The following PTPRD variants were observed in gnomAD, a reference collection of about 807,000 sequenced individuals.
The protein encoded by PTPRD is protein tyrosine phosphatase receptor type D, also known as receptor-type tyrosine-protein phosphatase delta.
PTPRD carries 34 observed loss-of-function variants against 214.5 expected under a neutral mutation model. The observed-to-expected ratio is 0.16, with a 90% CI of 0.12 to 0.21. The LOEUF (loss-of-function observed/expected upper bound fraction) is 0.21, where lower values mean the gene tolerates loss of function less well. Ranked by LOEUF, PTPRD falls within the 10% of genes least tolerant of loss-of-function variation. PTPRD has a pLI of 1.00. For missense variants in PTPRD, 2,545 were observed against 2,398.7 expected (o/e 1.06, Z -1.27); for synonymous variants, 1,128 against 845.7 (o/e 1.33, Z -5.79).
chr9:10,586,980 G>C (rs1177501638), intron 2 of PTPRD, among the ~76,000 whole-genome samples: 2 of 151,898 alleles, frequency 1.3e-5, no homozygotes, highest in Non-Finnish European at 2.9e-5. Context: ...AGGGTAGATG[G>C]TGAAGACAGG....
chr9:8,357,999 G>A (rs1046283184), intron 39 of PTPRD, among the ~76,000 whole-genome samples: 16 of 152,202 alleles, frequency 1.1e-4, no homozygotes, highest in East Asian at 1.9e-4. Context: ...ACTAAGTCCC[G>A]TATTTTTTAG....
intron 14 of PTPRD, among the ~76,000 whole-genome samples, chr9:8,621,761 T>G (rs2095834117): frequency 1.3e-5 from 2 of 151,924 alleles, no homozygotes; most frequent in Non-Finnish European, 2.9e-5. Context: ...TGGCAATACC[T>G]GGAAATTCAG....
intron 7 of PTPRD, among the ~76,000 whole-genome samples, chr9:9,645,888 G>A (rs1381075792): frequency 6.6e-6 from 1 of 152,022 alleles, no homozygotes; most frequent in Admixed American, 6.5e-5. Context: ...TTTCAAAATT[G>A]TTTTAAATTT....
intron 5 of PTPRD, among the ~76,000 whole-genome samples, chr9:9,792,983 G>C (rs1459022012): frequency 6.6e-6 from 1 of 152,020 alleles, no homozygotes; most frequent in Non-Finnish European, 1.5e-5. Context: ...ACCTCTGAGA[G>C]CATATACCAA....
At chr9:8,581,612 G>T (rs559880797) in intron 14 of PTPRD, among the ~76,000 whole-genome samples, 3 of 152,228 alleles carry the variant, frequency 2.0e-5, no homozygotes, top group Admixed American at 6.5e-5. Flanking sequence ...GCTGGGCATG[G>T]TGGCAGATGC....
intron 2 of PTPRD, among the ~76,000 whole-genome samples, chr9:10,558,737 T>G (rs1323982187): frequency 4.6e-5 from 7 of 152,164 alleles, no homozygotes; most frequent in Non-Finnish European, 1.0e-4. Flanking sequence ...AGTACAACCT[T>G]TACAAGTGTT....
At chr9:8,518,742 TG>T (rs2097834230) in intron 20 of PTPRD, among the ~76,000 whole-genome samples, 1 of 152,126 alleles carries the variant, frequency 6.6e-6, no homozygotes, top group Non-Finnish European at 1.5e-5. Flanking sequence ...CATGTGGAAA[TG>T]GGAAAAATAT....
rs1555186440 is a variant in PTPRD at position 9,833,682 on chromosome 9, G to GC, written c.-367-66832_-367-66831insG. 1.4e-3 allele frequency among the ~76,000 whole-genome samples: 122 copies of GC among 89,262 alleles called. 9 individuals are homozygous for GC. The East Asian group carries it at 0.024, about 17-fold the overall frequency. The allele number at this position is 89,262 out of a possible 152,430, so 58.6% of individuals were successfully genotyped here. A position where few individuals can be genotyped will look rare whatever the true frequency, so the allele number is the denominator to read the frequency against. On this transcript the variant is annotated intron_variant, in intron 5 of 45. Coordinates refer to ENST00000381196, the MANE Select transcript of PTPRD (RefSeq NM_002839.4). Reference sequence around the variant, plus strand: ...CCATAAGAGACAGGTACGCTCCGGAGAGGGGGGCAGTTCAGAGACCTACCC... The same window carrying GC: ...CCATAAGAGACAGGTACGCTCCGGAGCAGGGGGGCAGTTCAGAGACCTACCC...
intron 6 of PTPRD, among the ~76,000 whole-genome samples, chr9:9,737,642 T>A (rs1488534184): frequency 6.6e-6 from 1 of 152,190 alleles, no homozygotes; most frequent in Non-Finnish European, 1.5e-5. Context: ...ATTTTTAAAG[T>A]CCATTTATAC....
At chr9:9,286,651 G>C (rs1006150342) in intron 9 of PTPRD, among the ~76,000 whole-genome samples, 3 of 150,864 alleles carry the variant, frequency 2.0e-5, no homozygotes, top group Non-Finnish European at 4.4e-5. Context: ...AACCTAGTTA[G>C]TTCTTCCCTT....
At chr9:9,643,463 G>A (rs1406328484) in intron 7 of PTPRD, among the ~76,000 whole-genome samples, 2 of 152,130 alleles carry the variant, frequency 1.3e-5, no homozygotes, top group African/African-American at 4.8e-5. Flanking sequence ...TGGTGGAGAT[G>A]ATTCTAGAAT....
intron 11 of PTPRD, among the ~76,000 whole-genome samples, chr9:8,803,247 TTC>T: frequency 1.3e-5 from 2 of 152,242 alleles, no homozygotes; most frequent in South Asian, 4.2e-4. Context: ...AAAAGTCCCC[TTC>T]TCTCTCTGAT....
intron 10 of PTPRD, among the ~76,000 whole-genome samples, chr9:9,095,578 C>G (rs1376833907): frequency 6.6e-6 from 1 of 152,114 alleles, no homozygotes; most frequent in Non-Finnish European, 1.5e-5. Context: ...AATCCTCCTG[C>G]CTCAGTCACC....
intron 8 of PTPRD, among the ~76,000 whole-genome samples, chr9:9,532,325 C>A (rs1006386886): frequency 6.6e-6 from 1 of 152,092 alleles, no homozygotes; most frequent in African/African-American, 2.4e-5. Context: ...AACATAAAGT[C>A]TGGGACAAAT....
chr9:8,749,204 C>T (rs1157833318), intron 11 of PTPRD, among the ~76,000 whole-genome samples: 1 of 152,092 alleles, frequency 6.6e-6, no homozygotes, highest in African/African-American at 2.4e-5. Flanking sequence ...TGTGTTGAGA[C>T]AGAGTCTCGC....
At chr9:8,957,931 C>A (rs2099139824) in intron 11 of PTPRD, among the ~76,000 whole-genome samples, 1 of 147,822 alleles carries the variant, frequency 6.8e-6, no homozygotes, top group Non-Finnish European at 1.5e-5. Flanking sequence ...AAAAAGAAGA[C>A]CATTCTTTAC....
chr9:8,822,218 C>G (rs1311207678), intron 11 of PTPRD, among the ~76,000 whole-genome samples: 4 of 152,176 alleles, frequency 2.6e-5, no homozygotes, highest in African/African-American at 9.7e-5. Flanking sequence ...AAGTTTCCCC[C>G]AGTGATTTAG....
rs1249349029 is a variant in PTPRD at position 8,486,369 on chromosome 9, G to A, written c.2468-20C>T. 1.9e-6 allele frequency: 3 copies of A among 1,597,020 alleles called. No individual in the cohort carries two copies. The highest frequency in any genetic ancestry group is 1.7e-6 in the Non-Finnish European group (2 of 1,164,530). On this transcript the variant is annotated intron_variant, in intron 27 of 45. Coordinates refer to ENST00000381196, the MANE Select transcript of PTPRD (RefSeq NM_002839.4). ...CTGGAACTGGAGCACATGGGATGGA[G>A]TGGTAAGACCAACCAATCTGAACGT...
chr9:8,383,260 G>A (rs970703319), intron 37 of PTPRD, among the ~76,000 whole-genome samples: 1 of 152,188 alleles, frequency 6.6e-6, no homozygotes, highest in Non-Finnish European at 1.5e-5. Flanking sequence ...TTCACTTTGT[G>A]CTAGGGTAAG....
Sources: gnomAD v4.1 joint callset for allele counts (sites outside exome capture counted in the v4.1 genomes callset) on GRCh38, gnomAD v4.1.1 for gene constraint, MANE v1.5 for transcripts, NCBI Gene and HGNC (gene_info 2026-07-23, HGNC 2026-07-21) for gene names.